MOV10L1: variants seen among roughly 807,000 people sequenced by gnomAD.
The protein encoded by MOV10L1 is Mov10 like RNA helicase 1, also known as RNA helicase Mov10l1.
In MOV10L1, 110 loss-of-function variants were observed where a neutral mutation model predicts 143.8. The observed-to-expected ratio is 0.76, with a 90% CI of 0.66 to 0.90. The LOEUF (loss-of-function observed/expected upper bound fraction) is 0.90. Ranked by LOEUF, MOV10L1 falls within the 40% of genes least tolerant of loss-of-function variation. The probability of loss-of-function intolerance (pLI) is 0.00; values close to 1 mark genes in which losing one functional copy is unlikely to be tolerated. For missense variants in MOV10L1, 1,406 were observed against 1,526.8 expected, an observed-to-expected ratio of 0.92 and a Z score of 1.32; for synonymous variants, 593 against 581.1, an observed-to-expected ratio of 1.02 and a Z score of -0.29.
At chr22:50,135,154 C>T (rs1569311570) in intron 15 of MOV10L1, among the ~76,000 whole-genome samples, 1 of 151,896 alleles carries the variant, frequency 6.6e-6, no homozygotes, top group Non-Finnish European at 1.5e-5. Flanking sequence ...GCTAGGACTA[C>T]AGGCATGTGC....
At chr22:50,092,270 G>T (rs2062468451) in intron 2 of MOV10L1, 85 bp downstream of exon 2, 1 of 1,262,130 alleles carries the variant, frequency 7.9e-7, no homozygotes, top group South Asian at 1.4e-5. Context: ...TATCAGACAT[G>T]ACCCGGCCAA....
At chr22:50,117,713 G>C (rs942584534) in intron 9 of MOV10L1, among the ~76,000 whole-genome samples, 3 of 152,204 alleles carry the variant, frequency 2.0e-5, no homozygotes, top group African/African-American at 7.2e-5. Context: ...TGTAGTGCAC[G>C]GCATCCCCGT....
intron 10 of MOV10L1, among the ~76,000 whole-genome samples, chr22:50,122,577 T>C (rs566570766): frequency 7.9e-4 from 121 of 152,332 alleles, no homozygotes; most frequent in African/African-American, 2.9e-3. Context: ...GAACTTCTAG[T>C]ACCATGATGA....
At chr22:50,145,928 G>A (rs2063141080) in intron 19 of MOV10L1, 118 bp downstream of exon 19, 1 of 1,461,208 alleles carries the variant, frequency 6.8e-7, no homozygotes, top group Admixed American at 1.9e-5. Context: ...GAGGGAGGCA[G>A]GGCTGTGGGC....
Position 50,147,169 on chromosome 22 carries a change from G to T in MOV10L1, c.2627+1359G>T, listed in dbSNP as rs183973731. The T allele has an allele frequency of 6.2e-5, 97 of 1,576,146 alleles. 1 individual carries two copies. The African/African-American group carries it at 1.2e-3, about 19-fold the overall frequency. ...GTTCAGGTAGTGGGAGGAGGTGGCC[G>T]GCCAGGGCAGGCCGCTCTCTCAGAG... On this transcript the variant is annotated intron_variant, in intron 19 of 26. Transcript: ENST00000262794.
In MOV10L1 at chr22:50,160,956, G is replaced by A; in HGVS notation, c.3463-8G>A. The stretch of plus-strand genomic sequence containing the variant: ...CTCTCACACCAGGCTAATTGTTATT[G>A]CCAACAGGACCCCTGTTTTGGTGCT... On this transcript the variant is annotated splice_polypyrimidine_tract_variant and splice_region_variant and intron_variant, in intron 25 of 26. Coordinates refer to ENST00000262794, the MANE Select transcript of MOV10L1 (RefSeq NM_018995.3). The A allele has an allele frequency of 6.2e-7, 1 of 1,614,072 alleles. No individual in the cohort carries two copies. The highest frequency in any genetic ancestry group is 8.5e-7 in the Non-Finnish European group (1 of 1,179,966).
At position 50,129,027 on chromosome 22, in the gene MOV10L1, G is replaced by A. The variant is rs112455637; in HGVS notation, c.1910+520G>A. 9.5e-3 allele frequency among the ~76,000 whole-genome samples: 1,440 copies of A among 152,246 alleles called. 25 individuals are homozygous for A. The highest frequency in any genetic ancestry group is 0.033 in the African/African-American group (1,372 of 41,530). On this transcript the variant is annotated intron_variant, in intron 13 of 26. Coordinates refer to ENST00000262794, the MANE Select transcript of MOV10L1 (RefSeq NM_018995.3). Reference sequence around the variant, plus strand: ...CTTGAGTATGTCTGTTGACATCTAAGTAGTGACGTAGGAGCCCCCACCATG... The same window carrying A: ...CTTGAGTATGTCTGTTGACATCTAAATAGTGACGTAGGAGCCCCCACCATG...
At chr22:50,153,285 TC>T in intron 22 of MOV10L1, 67 bp downstream of exon 22, 1 of 1,494,184 alleles carries the variant, frequency 6.7e-7, no homozygotes, top group Non-Finnish European at 9.1e-7. Flanking sequence ...AGGTCCTTCC[TC>T]CCAGGTGAGG....
intron 15 of MOV10L1, among the ~76,000 whole-genome samples, chr22:50,137,750 C>T (rs6010143): frequency 9.0e-6 from 1 of 111,232 alleles, no homozygotes; most frequent in Non-Finnish European, 2.2e-5. Flanking sequence ...TATATATATA[C>T]ATATATAAAT....
intron 3 of MOV10L1, among the ~76,000 whole-genome samples, chr22:50,099,956 G>C (rs1483192738): frequency 1.3e-5 from 2 of 151,994 alleles, no homozygotes; most frequent in Admixed American, 6.6e-5. Context: ...CTATGGGAGA[G>C]GGCACCAGGT....
At chr22:50,141,360 G>T (rs565317217) in intron 15 of MOV10L1, among the ~76,000 whole-genome samples, 1 of 151,462 alleles carries the variant, frequency 6.6e-6, no homozygotes, top group African/African-American at 2.4e-5. Flanking sequence ...GAGTTTGGGG[G>T]GTCTCTGTCA....
chr22:50,150,887 T>G lies in MOV10L1; in HGVS notation c.2880T>G (p.His960Gln). The G allele has an allele frequency of 6.2e-7, 1 of 1,614,168 alleles. No individual in the cohort carries two copies. Among genetic ancestry groups the G allele is most frequent in the Non-Finnish European group, 8.5e-7 (1 of 1,180,020 alleles). Reference protein sequence around the residue: ...DENAFGACGAHNPLLVTKLVK... With the variant: ...DENAFGACGAQNPLLVTKLVK... ...ATGCTTTCGGTGCTTGTGGCGCACATAATCCCCTGTTGGTGAGTCACAGAC... is the reference window on the plus strand; with the variant it reads ...ATGCTTTCGGTGCTTGTGGCGCACAGAATCCCCTGTTGGTGAGTCACAGAC... Residue 960 changes from histidine to glutamine, a missense_variant, in exon 21 of 27, where the codon CAT becomes CAG. His to Gln is a conservative substitution (Grantham distance 24). Coordinates refer to ENST00000262794, the MANE Select transcript of MOV10L1 (RefSeq NM_018995.3).
At chr22:50,137,305 G>A (rs1356516840) in intron 15 of MOV10L1, among the ~76,000 whole-genome samples, 2 of 152,088 alleles carry the variant, frequency 1.3e-5, no homozygotes, top group African/African-American at 2.4e-5. Flanking sequence ...GTTAAGTGGA[G>A]ACACGAAAGA....
intron 15 of MOV10L1, among the ~76,000 whole-genome samples, chr22:50,141,615 T>C (rs13056714): frequency 0.23 from 34,476 of 151,776 alleles, 4,282 homozygotes; most frequent in Admixed American, 0.35. Context: ...GGTGGGATGA[T>C]AAGCGTGAGC....
chr22:50,144,153 TG>T lies in MOV10L1; in HGVS notation c.2416del (p.Ala806LeufsTer22). Reference sequence around the variant, plus strand: ...TAGTCTGTGCGCCCTCCAACAGTGCTGCTGACCTCGTGTGTCTGCGGCTGCA... The same window carrying T: ...TAGTCTGTGCGCCCTCCAACAGTGCTCTGACCTCGTGTGTCTGCGGCTGCA... ...ILVCAPSNSAADLVCLRLHES... is the reference protein window; with the variant it reads ...ILVCAPSNSAXDLVCLRLHES... On this transcript the variant is annotated frameshift_variant, in exon 18 of 27. Coordinates refer to ENST00000262794, the MANE Select transcript of MOV10L1 (RefSeq NM_018995.3). LOFTEE classifies it high-confidence loss of function. 1 of 1,613,680 alleles carries T rather than the reference TG, an allele frequency of 6.2e-7. No homozygotes were observed. Among genetic ancestry groups the T allele is most frequent in the Non-Finnish European group, 8.5e-7 (1 of 1,179,564 alleles).
chr22:50,150,585 G>T (rs1169834072), intron 20 of MOV10L1, 150 bp from the exon 21 acceptor site: 4 of 877,514 alleles, frequency 4.6e-6, no homozygotes, highest in East Asian at 2.7e-5. Context: ...AGCCCTGTCG[G>T]CATTCCCTGG....
chr22:50,132,664 C>T (rs957392157), intron 13 of MOV10L1, among the ~76,000 whole-genome samples: 5 of 152,336 alleles, frequency 3.3e-5, no homozygotes, highest in Non-Finnish European at 7.3e-5. Flanking sequence ...TCCTGCAAGT[C>T]TCCTAAACTG....
Position 50,142,070 on chromosome 22 carries a change from A to T in MOV10L1, c.2071-11A>T, listed in dbSNP as rs751157986. The T allele has an allele frequency of 4.4e-6, 7 of 1,603,054 alleles. No homozygotes were observed. In the African/African-American group the frequency reaches 8.1e-5, roughly 18 times the overall value. ...TTTTTTTAAAACATTTTTCTGCCTGATAATTTCTAGAATAGGAAAACAATG... is the reference window on the plus strand; with the variant it reads ...TTTTTTTAAAACATTTTTCTGCCTGTTAATTTCTAGAATAGGAAAACAATG... On this transcript the variant is annotated splice_polypyrimidine_tract_variant and intron_variant, in intron 15 of 26. Transcript: ENST00000262794.
intron 2 of MOV10L1, among the ~76,000 whole-genome samples, chr22:50,096,801 A>G (rs2062600939): frequency 6.6e-6 from 1 of 152,156 alleles, no homozygotes. Context: ...ATATCTACTC[A>G]AATCCTTTGC....
Sources: gnomAD v4.1 joint callset for allele counts (sites outside exome capture counted in the v4.1 genomes callset) on GRCh38, gnomAD v4.1.1 for gene constraint, MANE v1.5 for transcripts, NCBI Gene and HGNC (gene_info 2026-07-23, HGNC 2026-07-21) for gene names.